Variants in FOXP2 observed in about 807,000 individuals in gnomAD.
The protein encoded by FOXP2 is forkhead box protein P2.
Under a neutral mutation model 115.8 loss-of-function variants are expected in FOXP2, and 12 were observed. That is an observed-to-expected ratio of 0.10 (90% confidence interval 0.07 to 0.17). FOXP2 has a LOEUF of 0.17. Ranked by LOEUF, FOXP2 falls within the 10% of genes least tolerant of loss-of-function variation. The pLI is 1.00. For missense variants in FOXP2, 629 were observed against 843.5 expected (o/e 0.75, Z 3.15); for synonymous variants, 328 against 297.7 (o/e 1.10, Z -1.05).
At chr7:114,624,702 G>T (rs1369513714) in intron 3 of FOXP2, among the ~76,000 whole-genome samples, 3 of 151,534 alleles carry the variant, frequency 2.0e-5, no homozygotes, top group East Asian at 3.9e-4. Flanking sequence ...GCATTGTCTC[G>T]TAATAACTTT....
intron 2 of FOXP2, among the ~76,000 whole-genome samples, chr7:114,435,807 G>A (rs561658605): frequency 9.9e-5 from 15 of 152,278 alleles, no homozygotes; most frequent in South Asian, 4.1e-4. Context: ...CCAAAGTTCC[G>A]GGATTACAGG....
chr7:114,402,738 C>T (rs1351651272), intron 2 of FOXP2, among the ~76,000 whole-genome samples: 3 of 151,944 alleles, frequency 2.0e-5, no homozygotes, highest in Admixed American at 1.3e-4. Flanking sequence ...GCAATCCTCC[C>T]GCCTCAGCCC....
At chr7:114,488,116 G>A (rs1796875753) in intron 2 of FOXP2, among the ~76,000 whole-genome samples, 1 of 152,148 alleles carries the variant, frequency 6.6e-6, no homozygotes, top group Non-Finnish European at 1.5e-5. Context: ...CAATTACGGT[G>A]GAAGGCAAAG....
chr7:114,327,511 T>C (rs932185379), intron 2 of FOXP2, among the ~76,000 whole-genome samples: 13 of 152,134 alleles, frequency 8.5e-5, no homozygotes, highest in African/African-American at 3.1e-4. Context: ...GTTTTCTTTT[T>C]TTTTTTTCAA....
chr7:114,255,523 C>T (rs925065781), intron 1 of FOXP2, among the ~76,000 whole-genome samples: 53 of 152,206 alleles, frequency 3.5e-4, no homozygotes, highest in African/African-American at 1.3e-3. Context: ...TAGCTGCGGC[C>T]TTGCAGTTTG....
rs761454291 is a variant in FOXP2 at position 114,689,939 on chromosome 7, G to A, written c.*13G>A. The A allele has an allele frequency of 3.1e-6, 5 of 1,612,548 alleles. No individual in the cohort carries two copies. Among genetic ancestry groups the A allele is most frequent in the Non-Finnish European group, 2.5e-6 (3 of 1,179,148 alleles). On this transcript the variant is annotated 3_prime_UTR_variant, in exon 17 of 17. Coordinates refer to ENST00000350908, the MANE Select transcript of FOXP2 (RefSeq NM_014491.4). ...AGATCTGGAATGAGAACTGACTTGT[G>A]AAACCTCAGCGTGAAGGGACATATC...
At chr7:114,111,378 A>C (rs1562967546) in intron 1 of FOXP2, among the ~76,000 whole-genome samples, 1 of 152,076 alleles carries the variant, frequency 6.6e-6, no homozygotes. Context: ...GGTGAGCTCT[A>C]CCCCTACCTG....
chr7:114,529,349 C>A (rs915926017), intron 2 of FOXP2, among the ~76,000 whole-genome samples: 1 of 151,870 alleles, frequency 6.6e-6, no homozygotes, highest in African/African-American at 2.4e-5. Context: ...TTTATTCTCA[C>A]TTCTGAGGAT....
At chr7:114,306,587 G>A (rs1269273877) in intron 2 of FOXP2, among the ~76,000 whole-genome samples, 1 of 152,124 alleles carries the variant, frequency 6.6e-6, no homozygotes, top group African/African-American at 2.4e-5. Context: ...TCTTTTTCAA[G>A]TCTGAACCCT....
At chr7:114,672,560 A>G (rs1293768676) in intron 16 of FOXP2, among the ~76,000 whole-genome samples, 5 of 151,730 alleles carry the variant, frequency 3.3e-5, no homozygotes, top group Non-Finnish European at 7.4e-5. Flanking sequence ...GCTCCAGCCA[A>G]TGTGACAGAG....
chr7:114,427,573 T>A (rs1376381777), intron 2 of FOXP2, among the ~76,000 whole-genome samples: 1 of 151,594 alleles, frequency 6.6e-6, no homozygotes, highest in East Asian at 1.9e-4. Flanking sequence ...ATATTATTTC[T>A]TTGTAACTCT....
At chr7:114,288,125 G>T (rs1256954012) in intron 2 of FOXP2, 4 of 451,964 alleles carry the variant, frequency 8.9e-6, no homozygotes, top group African/African-American at 2.0e-5. Context: ...TGTCCTTTTG[G>T]TAAAAATTCT....
intron 2 of FOXP2, among the ~76,000 whole-genome samples, chr7:114,486,951 G>T (rs1419368673): frequency 2.0e-5 from 3 of 152,190 alleles, no homozygotes; most frequent in Non-Finnish European, 4.4e-5. Flanking sequence ...TAGGTGCACA[G>T]TGCAAACTGT....
chr7:114,335,833 TATC>T (rs751447475), intron 2 of FOXP2, among the ~76,000 whole-genome samples: 1 of 151,674 alleles, frequency 6.6e-6, no homozygotes, highest in Non-Finnish European at 1.5e-5. Context: ...GTGGAGTGAT[TATC>T]ATCTCAGGAA....
At chr7:114,564,625 A>T (rs1443937143) in intron 3 of FOXP2, among the ~76,000 whole-genome samples, 1 of 152,096 alleles carries the variant, frequency 6.6e-6, no homozygotes, top group Non-Finnish European at 1.5e-5. Flanking sequence ...CATACCTATA[A>T]TCTCAGCACT....
intron 1 of FOXP2, among the ~76,000 whole-genome samples, chr7:114,229,049 A>G (rs1273940585): frequency 6.6e-6 from 1 of 151,638 alleles, no homozygotes; most frequent in African/African-American, 2.4e-5. Context: ...GTGAAAGGGT[A>G]GGAAATGATA....
At chr7:114,427,244 A>G (rs1458504819) in intron 2 of FOXP2, among the ~76,000 whole-genome samples, 1 of 151,724 alleles carries the variant, frequency 6.6e-6, no homozygotes, top group Non-Finnish European at 1.5e-5. Flanking sequence ...ACATCTTTCA[A>G]TAACATTAAA....
chr7:114,550,056 A>AGGT (rs1800123897), intron 3 of FOXP2, among the ~76,000 whole-genome samples: 1 of 151,778 alleles, frequency 6.6e-6, no homozygotes, highest in African/African-American at 2.4e-5. Context: ...ACTGGGTGCA[A>AGGT]GGTAATGAGG....
chr7:114,552,393 A>C (rs563741047), intron 3 of FOXP2, among the ~76,000 whole-genome samples: 34 of 152,156 alleles, frequency 2.2e-4, no homozygotes, highest in Non-Finnish European at 4.1e-4. Flanking sequence ...TTTTCTGTCA[A>C]CTGGGAAGAC....
Sources: gnomAD v4.1 joint callset for allele counts (sites outside exome capture counted in the v4.1 genomes callset) on GRCh38, gnomAD v4.1.1 for gene constraint, MANE v1.5 for transcripts, NCBI Gene and HGNC (gene_info 2026-07-23, HGNC 2026-07-21) for gene names.